The following ZNF423 variants were observed in gnomAD, a reference collection of about 807,000 sequenced individuals.
The protein encoded by ZNF423 is zinc finger protein 423, also known as Ebf-associated zinc finger protein.
ZNF423 carries 12 observed loss-of-function variants against 95.8 expected under a neutral mutation model. That is an observed-to-expected ratio of 0.13 (90% CI 0.08 to 0.20). The LOEUF is 0.20. ZNF423 is among the 10% of genes least tolerant of loss of function. ZNF423 has a pLI of 1.00. For synonymous variants in ZNF423, 749 were observed against 711.9 expected, an observed-to-expected ratio of 1.05 and a Z score of -0.83; for missense variants, 1,316 against 1,737.1, an observed-to-expected ratio of 0.76 and a Z score of 4.31.
intron 7 of ZNF423, among the ~76,000 whole-genome samples, chr16:49,510,755 G>T (rs568542359): frequency 2.6e-5 from 4 of 152,164 alleles, no homozygotes; most frequent in African/African-American, 9.7e-5. Context: ...ATGTGGAGCC[G>T]GTGAGGCGCC....
chr16:49,580,927 G>A (rs1218920020), intron 5 of ZNF423, among the ~76,000 whole-genome samples: 2 of 152,116 alleles, frequency 1.3e-5, no homozygotes, highest in African/African-American at 2.4e-5. Context: ...AGGACAGCCC[G>A]AGGCCCAGCC....
intron 1 of ZNF423, among the ~76,000 whole-genome samples, chr16:49,811,250 G>A (rs759955855): frequency 3.3e-5 from 5 of 152,206 alleles, no homozygotes; most frequent in Non-Finnish European, 7.3e-5. Context: ...TGGGGGTAGT[G>A]AGGCTCCCGG....
intron 3 of ZNF423, among the ~76,000 whole-genome samples, chr16:49,720,039 G>A (rs111255813): frequency 2.6e-5 from 4 of 152,244 alleles, no homozygotes; most frequent in Non-Finnish European, 4.4e-5. Flanking sequence ...GGGCCAAGCC[G>A]CTGGTGGATG....
At chr16:49,823,959 G>A (rs994211062) in intron 1 of ZNF423, among the ~76,000 whole-genome samples, 3 of 152,102 alleles carry the variant, frequency 2.0e-5, no homozygotes, top group Non-Finnish European at 4.4e-5. Context: ...GTACACACCT[G>A]TAGTCCCAAG....
intron 1 of ZNF423, among the ~76,000 whole-genome samples, chr16:49,835,961 T>C (rs2035114744): frequency 6.6e-6 from 1 of 152,002 alleles, no homozygotes; most frequent in Non-Finnish European, 1.5e-5. Context: ...CAAGGAGCAG[T>C]TTGGGTGGAG....
In ZNF423 at chr16:49,626,232, T is replaced by G; in HGVS notation, c.3539A>C (p.Lys1180Thr). 6.2e-7 allele frequency: 1 copy of G among 1,614,056 alleles called. No homozygotes were observed. Among genetic ancestry groups the G allele is most frequent in the Non-Finnish European group, 8.5e-7 (1 of 1,179,938 alleles). The change falls in exon 5 of 8, where the codon AAG becomes ACG. Residue 1180 changes from lysine (K) to threonine (T), a missense_variant. This residue lies in a region of ZNF423 where 75 missense variants were observed against 163.5 expected (regional missense o/e 0.46). Coordinates refer to ENST00000563137, the MANE Select transcript of ZNF423 (RefSeq NM_001379286.1). Reference sequence around the variant, plus strand: ...CTCGTTCTCGAAGGTCATCTGGCACTTGATGCACTGGTATGTCTTTTTCTG... The same window carrying G: ...CTCGTTCTCGAAGGTCATCTGGCACGTGATGCACTGGTATGTCTTTTTCTG... ...VPRKKTYQCI[K>T]CQMTFENERE... is the part of the protein sequence containing the mutation.
intron 4 of ZNF423, 30 bp from the exon 5 acceptor site, chr16:49,626,284 G>A (rs374804620): frequency 7.0e-5 from 113 of 1,608,482 alleles, no homozygotes; most frequent in South Asian, 5.6e-4. Context: ...AAAAGATTTA[G>A]AGAGGCAGGA....
chr16:49,833,657 C>G (rs372636349), intron 1 of ZNF423, among the ~76,000 whole-genome samples: 1 of 148,222 alleles, frequency 6.7e-6, no homozygotes. Context: ...TCCCAGAAGA[C>G]GGACAGATGT....
intron 3 of ZNF423, among the ~76,000 whole-genome samples, chr16:49,700,290 G>T (rs2032134875): frequency 6.6e-6 from 1 of 151,666 alleles, no homozygotes; most frequent in Admixed American, 6.6e-5. Context: ...CTTGGAAATT[G>T]GTCGGAACAA....
At chr16:49,800,003 C>T (rs1045512807) in intron 1 of ZNF423, among the ~76,000 whole-genome samples, 3 of 152,114 alleles carry the variant, frequency 2.0e-5, no homozygotes, top group Non-Finnish European at 2.9e-5. Context: ...CCTATAATCC[C>T]AGCACTTTGG....
intron 5 of ZNF423, among the ~76,000 whole-genome samples, chr16:49,608,069 C>G (rs1178485021): frequency 2.0e-5 from 3 of 152,174 alleles, no homozygotes; most frequent in Non-Finnish European, 4.4e-5. Context: ...ACCAGTTATG[C>G]CCCACCTTTG....
chr16:49,707,823 A>T (rs1031992804), intron 3 of ZNF423, among the ~76,000 whole-genome samples: 4 of 151,738 alleles, frequency 2.6e-5, no homozygotes, highest in African/African-American at 4.8e-5. Context: ...TTATTTATTT[A>T]TTTTTTTGAG....
At chr16:49,720,177 A>G (rs148922286) in intron 3 of ZNF423, among the ~76,000 whole-genome samples, 1 of 152,320 alleles carries the variant, frequency 6.6e-6, no homozygotes, top group Admixed American at 6.5e-5. Context: ...CACAACTTCT[A>G]TGAAGTTTGT....
intron 1 of ZNF423, among the ~76,000 whole-genome samples, chr16:49,798,610 A>C (rs571124065): frequency 6.6e-6 from 1 of 152,250 alleles, no homozygotes; most frequent in African/African-American, 2.4e-5. Context: ...AATACATACA[A>C]TTTTTTTTAA....
At chr16:49,531,350 A>C (rs1861659) in intron 5 of ZNF423, among the ~76,000 whole-genome samples, 93,740 of 151,224 alleles carry the variant, frequency 0.62, 30,639 homozygotes, top group African/African-American at 0.85. Flanking sequence ...GGGCGCGGTA[A>C]ATGGTCCTTG....
chr16:49,715,133 A>G (rs1056563041), intron 3 of ZNF423, among the ~76,000 whole-genome samples: 8 of 152,252 alleles, frequency 5.3e-5, no homozygotes, highest in Admixed American at 2.6e-4. Flanking sequence ...AGACAGGAAC[A>G]GGCATGAGGG....
chr16:49,849,873 A>T (rs1248114081), intron 1 of ZNF423, among the ~76,000 whole-genome samples: 1 of 152,266 alleles, frequency 6.6e-6, no homozygotes, highest in Non-Finnish European at 1.5e-5. Context: ...GTGTTTTCAC[A>T]GCACCAATCT....
chr16:49,631,018 C>T (rs1191124859), intron 4 of ZNF423, among the ~76,000 whole-genome samples: 2 of 152,090 alleles, frequency 1.3e-5, no homozygotes, highest in Non-Finnish European at 2.9e-5. Flanking sequence ...CAGACACACC[C>T]GCAACCCCTA....
intron 2 of ZNF423, among the ~76,000 whole-genome samples, chr16:49,762,530 G>C (rs574083621): frequency 1.3e-5 from 2 of 152,188 alleles, no homozygotes; most frequent in Non-Finnish European, 2.9e-5. Flanking sequence ...ATGTTCATGA[G>C]GTCAAGCAAT....
Sources: gnomAD v4.1 joint callset for allele counts (sites outside exome capture counted in the v4.1 genomes callset) on GRCh38, gnomAD v4.1.1 for gene constraint, gnomAD v4.1.1 regional missense constraint, MANE v1.5 for transcripts, NCBI Gene and HGNC (gene_info 2026-07-23, HGNC 2026-07-21) for gene names.